CBLB: variants seen among roughly 807,000 people sequenced by gnomAD.
The protein encoded by CBLB is Cbl proto-oncogene B.
A neutral mutation model predicts 104.9 loss-of-function variants in CBLB; 31 were observed. The observed-to-expected ratio is 0.30, with a 90% CI of 0.22 to 0.40. The LOEUF (loss-of-function observed/expected upper bound fraction) is 0.40. CBLB is among the 10% of genes least tolerant of loss of function. CBLB has a pLI of 1.00. For missense variants in CBLB, 1,062 were observed against 1,214.6 expected (o/e 0.87, Z 1.87); for synonymous variants, 440 against 422.6 (o/e 1.04, Z -0.51).
intron 3 of CBLB, among the ~76,000 whole-genome samples, chr3:105,820,718 A>T (rs1420428412): frequency 6.6e-6 from 1 of 152,174 alleles, no homozygotes; most frequent in Non-Finnish European, 1.5e-5. Flanking sequence ...AATTCTTCAG[A>T]ATTTTTTTTA....
At chr3:105,729,601 G>T (rs1348393133) in intron 9 of CBLB, among the ~76,000 whole-genome samples, 1 of 152,040 alleles carries the variant, frequency 6.6e-6, no homozygotes, top group Admixed American at 6.6e-5. Flanking sequence ...CTAATACCTT[G>T]AGAACATTTC....
chr3:105,852,621 G>A (rs1229619817), intron 3 of CBLB, among the ~76,000 whole-genome samples: 27 of 151,998 alleles, frequency 1.8e-4, no homozygotes, highest in Non-Finnish European at 4.0e-4. Flanking sequence ...GTCTGCAGTA[G>A]TGTACAGTAA....
At chr3:105,818,240 C>G (rs755995038) in intron 3 of CBLB, among the ~76,000 whole-genome samples, 1 of 152,044 alleles carries the variant, frequency 6.6e-6, no homozygotes, top group African/African-American at 2.4e-5. Context: ...GAATCCTAGA[C>G]TTAAAAGCAT....
At chr3:105,786,414 G>C (rs1450916670) in intron 3 of CBLB, among the ~76,000 whole-genome samples, 3 of 152,036 alleles carry the variant, frequency 2.0e-5, no homozygotes, top group Non-Finnish European at 4.4e-5. Context: ...CAATGTCTCC[G>C]GTACTCTGAA....
At chr3:105,673,086 TGA>T (rs2065240098) in intron 17 of CBLB, 1 of 143,252 alleles carries the variant, frequency 7.0e-6, no homozygotes, top group African/African-American at 2.6e-5. Context: ...TTTTTTTTTT[TGA>T]GAGAGCGTCT....
At chr3:105,735,164 G>A (rs1302890769) in intron 8 of CBLB, among the ~76,000 whole-genome samples, 2 of 152,080 alleles carry the variant, frequency 1.3e-5, no homozygotes, top group Non-Finnish European at 2.9e-5. Flanking sequence ...TAATCCTGGT[G>A]AGAAAAATAT....
At chr3:105,819,533 T>C (rs1006056046) in intron 3 of CBLB, among the ~76,000 whole-genome samples, 5 of 151,730 alleles carry the variant, frequency 3.3e-5, no homozygotes, top group African/African-American at 1.2e-4. Context: ...GAAGGGAAAG[T>C]AAGATGTATA....
intron 3 of CBLB, among the ~76,000 whole-genome samples, chr3:105,794,012 C>T (rs955712048): frequency 6.6e-6 from 1 of 151,918 alleles, no homozygotes; most frequent in African/African-American, 2.4e-5. Context: ...TGGGAAAAGG[C>T]CAAGAGAAAA....
chr3:105,763,590 T>C (rs2077902274), intron 4 of CBLB, among the ~76,000 whole-genome samples: 1 of 152,226 alleles, frequency 6.6e-6, no homozygotes, highest in South Asian at 2.1e-4. Flanking sequence ...TCCCTAGTCA[T>C]GTGGAACTGT....
intron 3 of CBLB, among the ~76,000 whole-genome samples, chr3:105,796,343 A>G (rs1031151919): frequency 6.6e-6 from 1 of 152,184 alleles, no homozygotes; most frequent in Non-Finnish European, 1.5e-5. Flanking sequence ...AGCAATGGAG[A>G]AAGAACTTCC....
intron 18 of CBLB, among the ~76,000 whole-genome samples, chr3:105,666,923 C>A (rs2064530822): frequency 6.6e-6 from 1 of 152,242 alleles, no homozygotes; most frequent in African/African-American, 2.4e-5. Flanking sequence ...TGTTGAAACA[C>A]AAAATCTTAA....
chr3:105,723,241 A>T (rs940536510), intron 9 of CBLB, among the ~76,000 whole-genome samples: 3 of 152,180 alleles, frequency 2.0e-5, no homozygotes, highest in African/African-American at 7.2e-5. Context: ...TACAATAATT[A>T]AAATAATGTT....
At chr3:105,681,847 TAAG>T (rs1449329812) in intron 14 of CBLB, 29 bp from the exon 15 acceptor site, 1 of 1,258,066 alleles carries the variant, frequency 7.9e-7, no homozygotes, top group Non-Finnish European at 1.2e-6. Flanking sequence ...TAAAATTATA[TAAG>T]GAGAATACTT....
At chr3:105,738,006 A>G (rs903885475) in intron 7 of CBLB, among the ~76,000 whole-genome samples, 3 of 152,176 alleles carry the variant, frequency 2.0e-5, no homozygotes, top group African/African-American at 7.2e-5. Flanking sequence ...TGTACTTGTT[A>G]TTGAAAAATT....
chr3:105,675,682 G>A (rs543369766), intron 17 of CBLB, among the ~76,000 whole-genome samples: 1 of 151,976 alleles, frequency 6.6e-6, no homozygotes, highest in African/African-American at 2.4e-5. Context: ...CCAGGAGTTC[G>A]AGACCAGCCT....
intron 3 of CBLB, among the ~76,000 whole-genome samples, chr3:105,830,971 G>A (rs919100951): frequency 1.2e-4 from 19 of 152,224 alleles, no homozygotes; most frequent in Admixed American, 5.9e-4. Context: ...GAACTTAGCT[G>A]AGGAGACACG....
At chr3:105,675,529 G>C (rs572244772) in intron 17 of CBLB, among the ~76,000 whole-genome samples, 62 of 152,126 alleles carry the variant, frequency 4.1e-4, no homozygotes, top group African/African-American at 1.4e-3. Flanking sequence ...TATTTCTTTT[G>C]AAAAGGAGGA....
chr3:105,681,633 A>T (rs1338897842), intron 15 of CBLB, 23 bp from the exon 16 acceptor site: 3 of 1,614,050 alleles, frequency 1.9e-6, no homozygotes, highest in Non-Finnish European at 2.5e-6. Context: ...ACAAAACCTT[A>T]ATGTATTTTC....
chr3:105,699,081 A>G (rs901085523), intron 12 of CBLB, among the ~76,000 whole-genome samples: 3 of 152,154 alleles, frequency 2.0e-5, no homozygotes, highest in Non-Finnish European at 4.4e-5. Flanking sequence ...GTGTTAGATT[A>G]CTAGCACCAA....
Sources: gnomAD v4.1 joint callset for allele counts (sites outside exome capture counted in the v4.1 genomes callset) on GRCh38, gnomAD v4.1.1 for gene constraint, MANE v1.5 for transcripts, NCBI Gene and HGNC (gene_info 2026-07-23, HGNC 2026-07-21) for gene names.